CHST11: variants seen among roughly 807,000 people sequenced by gnomAD.
CHST11 encodes the protein C4S-1.
A neutral mutation model predicts 30.4 loss-of-function variants in CHST11; 9 were observed. The observed-to-expected ratio is 0.30, with a 90% confidence interval of 0.18 to 0.52. The LOEUF is 0.52. CHST11 is among the 20% of genes least tolerant of loss of function. The pLI, the probability that CHST11 is intolerant of heterozygous loss-of-function variation, is 0.97. For synonymous variants in CHST11, 152 were observed against 187.8 expected (o/e 0.81, Z 1.56); for missense variants, 348 against 460.6 (o/e 0.76, Z 2.24).
intron 2 of CHST11, among the ~76,000 whole-genome samples, chr12:104,603,795 G>A (rs1340103083): frequency 6.6e-6 from 1 of 152,160 alleles, no homozygotes; most frequent in Non-Finnish European, 1.5e-5. Flanking sequence ...TGACTATGGG[G>A]TGTTTACTTA....
chr12:104,497,386 A>AGGCC (rs1412013806), intron 1 of CHST11, among the ~76,000 whole-genome samples: 4 of 152,218 alleles, frequency 2.6e-5, no homozygotes, highest in Non-Finnish European at 4.4e-5. Context: ...GGCCGTCTGC[A>AGGCC]GGCCGAAGAG....
At chr12:104,544,510 C>A (rs1003796399) in intron 1 of CHST11, among the ~76,000 whole-genome samples, 1 of 151,944 alleles carries the variant, frequency 6.6e-6, no homozygotes, top group Non-Finnish European at 1.5e-5. Context: ...AGTTCGAGAC[C>A]AGCCTGGCCA....
At chr12:104,501,586 A>G (rs1361446138) in intron 1 of CHST11, among the ~76,000 whole-genome samples, 4 of 152,218 alleles carry the variant, frequency 2.6e-5, no homozygotes, top group Non-Finnish European at 5.9e-5. Flanking sequence ...AATGGCCCCA[A>G]GCCGACACTC....
At chr12:104,563,838 G>A (rs1218640807) in intron 1 of CHST11, among the ~76,000 whole-genome samples, 1 of 151,958 alleles carries the variant, frequency 6.6e-6, no homozygotes, top group African/African-American at 2.4e-5. Context: ...GGGGTTTGGA[G>A]TAGGCTCTGC....
In CHST11 at chr12:104,695,338, G is replaced by C. The variant is rs76130276; in HGVS notation, c.205-61611G>C. Among the ~76,000 whole-genome samples the C allele has an allele frequency of 4.1e-3, 627 of 152,304 alleles. 4 individuals carry two copies. The highest frequency in any genetic ancestry group is 0.015 in the African/African-American group (606 of 41,550). On this transcript the variant is annotated intron_variant, in intron 2 of 2. Transcript: ENST00000303694. The stretch of plus-strand genomic sequence containing the variant: ...GCACTGAGGTAGAGGTTTTGTGTCT[G>C]TTCCTAGAATTAGGCAGTTTGGTTC...
chr12:104,463,504 T>TAGAG (rs2037429226), intron 1 of CHST11, among the ~76,000 whole-genome samples: 2 of 152,206 alleles, frequency 1.3e-5, no homozygotes, highest in Non-Finnish European at 2.9e-5. Flanking sequence ...CTCTTTTCCT[T>TAGAG]TCTTCTACTC....
intron 2 of CHST11, among the ~76,000 whole-genome samples, chr12:104,639,800 T>C (rs1253551457): frequency 6.6e-6 from 1 of 152,092 alleles, no homozygotes; most frequent in African/African-American, 2.4e-5. Flanking sequence ...AGGTCGGTGG[T>C]CTCAACCAGC....
chr12:104,508,592 C>T (rs1256355004), intron 1 of CHST11, among the ~76,000 whole-genome samples: 1 of 152,160 alleles, frequency 6.6e-6, no homozygotes, highest in Non-Finnish European at 1.5e-5. Context: ...AACAGGGTCA[C>T]TCTGTCTCAT....
At position 104,457,489 on chromosome 12, in the gene CHST11, T is replaced by C. The variant is rs148490795; in HGVS notation, c.78T>C (p.Phe26=). 9 of 1,614,008 alleles carry C rather than the reference T, an allele frequency of 5.6e-6. No individual in the cohort carries two copies. Among genetic ancestry groups the C allele is most frequent in the South Asian group, 2.2e-5 (2 of 91,088 alleles). The change falls in exon 1 of 3, where the codon TTT becomes TTC. Residue 26 remains phenylalanine, a synonymous_variant. Coordinates refer to ENST00000303694, the MANE Select transcript of CHST11 (RefSeq NM_018413.6). ...TGCTGGCCACTTGCTTGGGATCCTT[T>C]ATCCTGGTCATCTTCTATTTCCAAA... ...RMVLATCLGS[F]ILVIFYFQSM...
chr12:104,537,045 G>A (rs2038243720), intron 1 of CHST11, among the ~76,000 whole-genome samples: 1 of 152,210 alleles, frequency 6.6e-6, no homozygotes, highest in Non-Finnish European at 1.5e-5. Flanking sequence ...GTCAGGTTCA[G>A]GCATGTGCAT....
At chr12:104,544,059 G>A (rs908422671) in intron 1 of CHST11, among the ~76,000 whole-genome samples, 6 of 151,046 alleles carry the variant, frequency 4.0e-5, no homozygotes, top group African/African-American at 1.5e-4. Context: ...AGGAGTTTGA[G>A]GCTGCAGTGA....
intron 2 of CHST11, among the ~76,000 whole-genome samples, chr12:104,623,440 G>C (rs1400140575): frequency 6.6e-6 from 1 of 152,232 alleles, no homozygotes; most frequent in African/African-American, 2.4e-5. Context: ...GCTGGACGAA[G>C]TGGCTCACGC....
At chr12:104,670,664 C>T (rs1289207497) in intron 2 of CHST11, among the ~76,000 whole-genome samples, 3 of 150,980 alleles carry the variant, frequency 2.0e-5, no homozygotes, top group Non-Finnish European at 3.0e-5. Context: ...TACCCACACA[C>T]ACACAAATAT....
chr12:104,620,498 G>T (rs1248697693), intron 2 of CHST11, among the ~76,000 whole-genome samples: 2 of 152,182 alleles, frequency 1.3e-5, no homozygotes, highest in African/African-American at 4.8e-5. Flanking sequence ...ACAGTACCAA[G>T]AAATGGGCTG....
chr12:104,476,729 A>AGT (rs1438907770), intron 1 of CHST11, among the ~76,000 whole-genome samples: 1 of 151,928 alleles, frequency 6.6e-6, no homozygotes, highest in Non-Finnish European at 1.5e-5. Flanking sequence ...TCCAACCAGC[A>AGT]GTGTGTGAAT....
At chr12:104,533,816 A>G (rs1431747613) in intron 1 of CHST11, among the ~76,000 whole-genome samples, 4 of 152,246 alleles carry the variant, frequency 2.6e-5, no homozygotes, top group Non-Finnish European at 5.9e-5. Context: ...GCCTCAGCCA[A>G]TGGATGTTCA....
At chr12:104,567,681 G>A (rs1007256007) in intron 1 of CHST11, among the ~76,000 whole-genome samples, 1 of 152,136 alleles carries the variant, frequency 6.6e-6, no homozygotes, top group Non-Finnish European at 1.5e-5. Context: ...GGGTCACACA[G>A]CCCATGAGCT....
At chr12:104,725,115 G>A (rs545133439) in intron 2 of CHST11, among the ~76,000 whole-genome samples, 2 of 152,254 alleles carry the variant, frequency 1.3e-5, no homozygotes, top group Non-Finnish European at 2.9e-5. Context: ...CTTTGAGCAC[G>A]TTCCCAGCTT....
At chr12:104,745,211 T>C (rs2040381070) in intron 2 of CHST11, among the ~76,000 whole-genome samples, 1 of 152,098 alleles carries the variant, frequency 6.6e-6, no homozygotes, top group Non-Finnish European at 1.5e-5. Flanking sequence ...CCTTTCCTCA[T>C]TGTTTGTTTT....
Sources: allele counts gnomAD v4.1 joint callset (sites outside exome capture counted in the v4.1 genomes callset), GRCh38; gene constraint gnomAD v4.1.1; transcripts MANE v1.5; gene names NCBI Gene and HGNC (gene_info 2026-07-23, HGNC 2026-07-21).